FNDC3A: variants seen among roughly 807,000 people sequenced by gnomAD.
FNDC3A encodes fibronectin type III domain containing 3A.
Under a neutral mutation model 148.9 loss-of-function variants are expected in FNDC3A, and 32 were observed. That is an observed-to-expected ratio of 0.21 (90% CI 0.16 to 0.29). The LOEUF (loss-of-function observed/expected upper bound fraction) is 0.29. Ranked by LOEUF, FNDC3A falls within the 10% of genes least tolerant of loss-of-function variation. The probability of loss-of-function intolerance (pLI) is 1.00; values close to 1 mark genes in which losing one functional copy is unlikely to be tolerated. For missense variants in FNDC3A, 1,191 were observed against 1,452.8 expected, an observed-to-expected ratio of 0.82 and a Z score of 2.93; for synonymous variants, 472 against 473.6, an observed-to-expected ratio of 1.00 and a Z score of 0.04.
At chr13:49,022,729 A>T in intron 2 of FNDC3A, among the ~76,000 whole-genome samples, 1 of 152,120 alleles carries the variant, frequency 6.6e-6, no homozygotes, top group South Asian at 2.1e-4. Flanking sequence ...TGGTTTGCTA[A>T]ATTTCTCATT....
chr13:49,073,150 A>G (rs1877816056), intron 2 of FNDC3A, among the ~76,000 whole-genome samples: 1 of 152,224 alleles, frequency 6.6e-6, no homozygotes, highest in Non-Finnish European at 1.5e-5. Flanking sequence ...AACACAAAGG[A>G]AAACAATAAA....
intron 4 of FNDC3A, among the ~76,000 whole-genome samples, chr13:49,128,311 T>C (rs556519388): frequency 6.6e-6 from 1 of 152,328 alleles, no homozygotes; most frequent in South Asian, 2.1e-4. Flanking sequence ...TGCTTTTGTC[T>C]TTGCCTCCCT....
At chr13:49,111,748 A>C (rs1880592356) in intron 3 of FNDC3A, among the ~76,000 whole-genome samples, 1 of 151,460 alleles carries the variant, frequency 6.6e-6, no homozygotes, top group African/African-American at 2.4e-5. Context: ...AAAAAATCTA[A>C]CCATGTACAA....
At chr13:49,109,365 G>A (rs1428478407) in intron 3 of FNDC3A, among the ~76,000 whole-genome samples, 1 of 152,192 alleles carries the variant, frequency 6.6e-6, no homozygotes, top group Non-Finnish European at 1.5e-5. Flanking sequence ...GAGAAGAGCA[G>A]TAAATTGCCT....
rs906052313 is a variant in FNDC3A, at chr13:49,032,561, C to T, written c.99+26272C>T. On this transcript the variant is annotated intron_variant, in intron 2 of 25. Coordinates refer to ENST00000492622, the MANE Select transcript of FNDC3A (RefSeq NM_001079673.2). ...TACAGACTGGCTAACAGGGTGAAACCCCATCTCTACTAAAAATACAAAAAA... is the reference window on the plus strand; with the variant it reads ...TACAGACTGGCTAACAGGGTGAAACTCCATCTCTACTAAAAATACAAAAAA... Among the ~76,000 whole-genome samples, 4 of 151,964 alleles carry T rather than the reference C, an allele frequency of 2.6e-5. 1 individual carries two copies. Among genetic ancestry groups the T allele is most frequent in the South Asian group, 2.1e-4 (1 of 4,818 alleles).
At chr13:49,171,853 T>G (rs897623258) in intron 10 of FNDC3A, among the ~76,000 whole-genome samples, 190 bp from the exon 11 acceptor site, 1 of 152,196 alleles carries the variant, frequency 6.6e-6, no homozygotes, top group Non-Finnish European at 1.5e-5. Flanking sequence ...GCTTCTTGCT[T>G]TCTTTCCTTA....
At chr13:49,153,460 T>G (rs1055000929) in intron 8 of FNDC3A, among the ~76,000 whole-genome samples, 2 of 151,944 alleles carry the variant, frequency 1.3e-5, no homozygotes, top group Admixed American at 6.6e-5. Context: ...TTCTCCCATT[T>G]TGTAGGTTGC....
chr13:49,150,860 G>A (rs559157108), intron 8 of FNDC3A, among the ~76,000 whole-genome samples: 6 of 149,674 alleles, frequency 4.0e-5, no homozygotes, highest in South Asian at 4.2e-4. Flanking sequence ...CAGGGGAATC[G>A]CTTGAACCTG....
intron 1 of FNDC3A, 146 bp from the exon 2 acceptor site, chr13:49,006,006 G>GA (rs892242635): frequency 1.4e-4 from 55 of 397,424 alleles, no homozygotes; most frequent in Non-Finnish European, 1.7e-4. Flanking sequence ...TTATTGATTG[G>GA]AAAAAAAAGC....
At chr13:49,177,198 T>C (rs1455012022) in intron 13 of FNDC3A, among the ~76,000 whole-genome samples, 2 of 152,194 alleles carry the variant, frequency 1.3e-5, no homozygotes, top group East Asian at 1.9e-4. Flanking sequence ...GGCTGCACTT[T>C]AACTATATCT....
intron 14 of FNDC3A, among the ~76,000 whole-genome samples, chr13:49,181,519 A>G (rs945738391): frequency 3.9e-5 from 6 of 152,138 alleles, no homozygotes; most frequent in African/African-American, 1.4e-4. Flanking sequence ...TAGAGGAGGA[A>G]AAAAAAACAG....
chr13:48,996,469 T>C (rs1014544764), intron 1 of FNDC3A, among the ~76,000 whole-genome samples: 4 of 152,230 alleles, frequency 2.6e-5, no homozygotes, highest in African/African-American at 9.6e-5. Context: ...TTTTTCATTA[T>C]TCCCTAAACA....
chr13:49,067,919 A>C (rs1877373740), intron 2 of FNDC3A, among the ~76,000 whole-genome samples: 1 of 152,134 alleles, frequency 6.6e-6, no homozygotes, highest in Non-Finnish European at 1.5e-5. Flanking sequence ...ACTAATTAGA[A>C]AAAGGGTGGA....
At chr13:49,113,469 C>T (rs1477748343) in intron 3 of FNDC3A, among the ~76,000 whole-genome samples, 2 of 152,096 alleles carry the variant, frequency 1.3e-5, no homozygotes, top group Non-Finnish European at 2.9e-5. Context: ...TGGCTGTAAT[C>T]CGGATTTGTT....
chr13:49,087,059 C>G (rs1878860725), intron 3 of FNDC3A, among the ~76,000 whole-genome samples: 1 of 151,982 alleles, frequency 6.6e-6, no homozygotes, highest in South Asian at 2.1e-4. Flanking sequence ...GAGAAAATTG[C>G]AATATTTTTG....
chr13:49,189,226 T>C (rs1020441012), intron 17 of FNDC3A, among the ~76,000 whole-genome samples: 28 of 151,920 alleles, frequency 1.8e-4, no homozygotes, highest in African/African-American at 6.5e-4. Context: ...AGTGGCACGA[T>C]TGGGGCTCAC....
Position 49,167,309 on chromosome 13 carries a change from G to A in FNDC3A, c.1037+6G>A. 6.3e-7 allele frequency: 1 copy of A among 1,579,900 alleles called. No homozygotes were observed. The highest frequency in any genetic ancestry group is 8.7e-7 in the Non-Finnish European group (1 of 1,155,746). On this transcript the variant is annotated splice_donor_region_variant and intron_variant, in intron 9 of 25. Coordinates refer to ENST00000492622, the MANE Select transcript of FNDC3A (RefSeq NM_001079673.2). ...GCCATGGATTACCATGCAAAGTAAG[G>A]AATTCCTACAGATTGCCTTTATAAG...
intron 8 of FNDC3A, among the ~76,000 whole-genome samples, chr13:49,156,696 G>A (rs1267664371): frequency 6.6e-6 from 1 of 150,472 alleles, no homozygotes; most frequent in African/African-American, 2.5e-5. Context: ...TCCTTCAGAA[G>A]CTCTTTTAGG....
At chr13:49,106,147 C>T (rs1329839371) in intron 3 of FNDC3A, among the ~76,000 whole-genome samples, 1 of 152,074 alleles carries the variant, frequency 6.6e-6, no homozygotes, top group Non-Finnish European at 1.5e-5. Context: ...AATGTTCTTC[C>T]CTCAGATATC....
Sources: gnomAD v4.1 joint callset for allele counts (sites outside exome capture counted in the v4.1 genomes callset) on GRCh38, gnomAD v4.1.1 for gene constraint, MANE v1.5 for transcripts, NCBI Gene and HGNC (gene_info 2026-07-23, HGNC 2026-07-21) for gene names.